GPATCH1: variants seen among roughly 807,000 people sequenced by gnomAD.
GPATCH1 encodes the protein G-patch domain containing 1.
In GPATCH1, 73 loss-of-function variants were observed where a neutral mutation model predicts 114.9. That is an observed-to-expected ratio of 0.64 (90% CI 0.53 to 0.77). The LOEUF (loss-of-function observed/expected upper bound fraction) is 0.77. Ranked by LOEUF, GPATCH1 falls within the 30% of genes least tolerant of loss-of-function variation. GPATCH1 has a pLI of 0.00. For missense variants in GPATCH1, 1,058 were observed against 1,144.3 expected (o/e 0.92, Z 1.09); for synonymous variants, 391 against 428.4 (o/e 0.91, Z 1.08).
chr19:33,103,494 A>T (rs975728903), intron 9 of GPATCH1, among the ~76,000 whole-genome samples: 2 of 152,190 alleles, frequency 1.3e-5, no homozygotes, highest in Non-Finnish European at 2.9e-5. Flanking sequence ...TGAGGTCAGG[A>T]GTTCGAGACC....
chr19:33,114,148 C>A, intron 14 of GPATCH1, 105 bp from the exon 15 acceptor site: 1 of 1,125,996 alleles, frequency 8.9e-7, no homozygotes, highest in Non-Finnish European at 1.3e-6. Flanking sequence ...CAGTGCCAGG[C>A]CCCTAGTAGG....
At chr19:33,108,182 C>T (rs1182828229) in intron 10 of GPATCH1, among the ~76,000 whole-genome samples, 1 of 152,148 alleles carries the variant, frequency 6.6e-6, no homozygotes. Flanking sequence ...TGGACCGTTG[C>T]TGCAGTCTCC....
chr19:33,092,676 A>G (rs958538314), intron 3 of GPATCH1, among the ~76,000 whole-genome samples: 14 of 152,210 alleles, frequency 9.2e-5, no homozygotes, highest in African/African-American at 3.1e-4. Context: ...AGGCAAAGGC[A>G]CCTGACTCTA....
intron 3 of GPATCH1, among the ~76,000 whole-genome samples, chr19:33,092,909 C>T (rs904503538): frequency 5.9e-5 from 9 of 152,178 alleles, no homozygotes; most frequent in Non-Finnish European, 1.3e-4. Context: ...CAGTGTGAGG[C>T]GGGGCACGGT....
chr19:33,115,325 C>T (rs1179712271), intron 15 of GPATCH1, among the ~76,000 whole-genome samples: 1 of 150,280 alleles, frequency 6.7e-6, no homozygotes, highest in African/African-American at 2.4e-5. Flanking sequence ...GTCCTCCTGC[C>T]CTGGCCTCCC....
At chr19:33,109,091 C>T (rs747934369) in intron 10 of GPATCH1, among the ~76,000 whole-genome samples, 5 of 152,056 alleles carry the variant, frequency 3.3e-5, no homozygotes, top group Non-Finnish European at 5.9e-5. Flanking sequence ...GTGGTGTGTA[C>T]CTGTGGTCCC....
At position 33,088,279 on chromosome 19, in the gene GPATCH1, C is replaced by T. The variant is rs1332686636; in HGVS notation, c.208+11C>T. On this transcript the variant is annotated intron_variant, in intron 2 of 19. Coordinates refer to ENST00000170564, the MANE Select transcript of GPATCH1 (RefSeq NM_018025.3). ...TTGGCTCAAAAGAAGGTATCATTTT[C>T]CTAATTGTAGCTATTATACCATTAA... The T allele has an allele frequency of 3.8e-6, 6 of 1,582,880 alleles. No individual in the cohort carries two copies. The highest frequency in any genetic ancestry group is 5.2e-6 in the Non-Finnish European group (6 of 1,161,568).
chr19:33,121,293 T>C (rs891782081), intron 17 of GPATCH1, among the ~76,000 whole-genome samples: 3 of 148,886 alleles, frequency 2.0e-5, no homozygotes, highest in African/African-American at 7.4e-5. Flanking sequence ...GCCTCCTTTT[T>C]TTGTCTTTTT....
intron 14 of GPATCH1, 93 bp downstream of exon 14, chr19:33,113,996 A>G (rs1972888863): frequency 8.9e-7 from 1 of 1,120,896 alleles, no homozygotes; most frequent in Non-Finnish European, 1.3e-6. Flanking sequence ...AGTCCTAACA[A>G]TGTGAATGGT....
At position 33,106,692 on chromosome 19, in the gene GPATCH1, A is replaced by G. The variant is rs764335594; in HGVS notation, c.1081-3A>G. Reference sequence around the variant, plus strand: ...TTTCTGGGTTTTGTCTTGGTTTGTTAAGATCTATCCACCTCCAGAGCTGCC... The same window carrying G: ...TTTCTGGGTTTTGTCTTGGTTTGTTGAGATCTATCCACCTCCAGAGCTGCC... On this transcript the variant is annotated splice_region_variant and splice_polypyrimidine_tract_variant and intron_variant, in intron 9 of 19. Transcript: ENST00000170564. The G allele has an allele frequency of 2.4e-5, 38 of 1,610,840 alleles. No individual in the cohort carries two copies. In the South Asian group the frequency reaches 3.7e-4, roughly 16 times the overall value.
chr19:33,088,948 C>T (rs142923917), intron 2 of GPATCH1, among the ~76,000 whole-genome samples: 19 of 152,242 alleles, frequency 1.2e-4, no homozygotes, highest in Admixed American at 4.6e-4. Flanking sequence ...TGAGCCACTG[C>T]GCTCAGCTTT....
chr19:33,108,371 C>T (rs970724297), intron 10 of GPATCH1, among the ~76,000 whole-genome samples: 10 of 152,200 alleles, frequency 6.6e-5, no homozygotes, highest in African/African-American at 2.4e-4. Context: ...CACCACCTTC[C>T]CTTACCCTCC....
intron 9 of GPATCH1, among the ~76,000 whole-genome samples, chr19:33,102,639 C>T (rs886879943): frequency 2.6e-5 from 4 of 152,072 alleles, no homozygotes; most frequent in African/African-American, 4.8e-5. Flanking sequence ...TTGTGATCCG[C>T]CTGCCTCAGC....
chr19:33,109,504 C>G (rs1972824727), intron 10 of GPATCH1, among the ~76,000 whole-genome samples: 2 of 152,062 alleles, frequency 1.3e-5, no homozygotes, highest in Non-Finnish European at 2.9e-5. Flanking sequence ...TAGAGCGAGA[C>G]TCCATCTAAA....
chr19:33,120,197 AAT>A (rs1169206959), intron 17 of GPATCH1, among the ~76,000 whole-genome samples: 2 of 141,560 alleles, frequency 1.4e-5, no homozygotes, highest in African/African-American at 5.1e-5. Context: ...TACATATTAA[AAT>A]ATATTCATAT....
chr19:33,127,103 C>T (rs1008029265), intron 19 of GPATCH1, among the ~76,000 whole-genome samples: 1 of 151,330 alleles, frequency 6.6e-6, no homozygotes, highest in African/African-American at 2.4e-5. Flanking sequence ...CCACTACACT[C>T]CAGCCTGGGT....
intron 7 of GPATCH1, 84 bp from the exon 8 acceptor site, chr19:33,097,671 C>T (rs1042932603): frequency 3.1e-5 from 39 of 1,262,476 alleles, no homozygotes; most frequent in Non-Finnish European, 4.3e-5. Context: ...GGTTTCCAAT[C>T]ACATCCTTAA....
At chr19:33,108,878 G>A (rs764671022) in intron 10 of GPATCH1, among the ~76,000 whole-genome samples, 1 of 152,102 alleles carries the variant, frequency 6.6e-6, no homozygotes, top group Admixed American at 6.6e-5. Context: ...AATCACTCAC[G>A]TGCCCTGTAA....
At position 33,109,980 on chromosome 19, in the gene GPATCH1, G is replaced by T; in HGVS notation, c.1549G>T (p.Asp517Tyr). The change falls in exon 11 of 20, where the codon GAC becomes TAC. Residue 517 changes from aspartate to tyrosine, a missense_variant. Asp to Tyr is a radical substitution (Grantham distance 160). Around this residue, in one of 3 missense-constraint regions of GPATCH1, gnomAD observed 893 missense variants for 977.4 expected, o/e 0.91. Transcript: ENST00000170564. ...AKDPEKQKRY[D>Y]EFLVHMKQGQ... ...AGATCCGGAAAAGCAAAAGCGATAC[G>T]ACGAGTTCTTAGTACACATGAAACA... 1 of 1,613,618 alleles carries T rather than the reference G, an allele frequency of 6.2e-7. No individual in the cohort carries two copies. The highest frequency in any genetic ancestry group is 1.7e-5 in the Admixed American group (1 of 59,922).
Sources: gnomAD v4.1 joint callset for allele counts (sites outside exome capture counted in the v4.1 genomes callset) on GRCh38, gnomAD v4.1.1 for gene constraint, gnomAD v4.1.1 regional missense constraint, MANE v1.5 for transcripts, NCBI Gene and HGNC (gene_info 2026-07-23, HGNC 2026-07-21) for gene names.